UTRN: variants seen among roughly 807,000 people sequenced by gnomAD.
UTRN encodes utrophin, also known as dystrophin-related protein 1.
A neutral mutation model predicts 463.9 loss-of-function variants in UTRN; 283 were observed. The observed-to-expected ratio is 0.61, with a 90% confidence interval of 0.55 to 0.67. The LOEUF (loss-of-function observed/expected upper bound fraction) is 0.67, where lower values mean the gene tolerates loss of function less well. UTRN is among the 30% of genes least tolerant of loss of function. The pLI, the probability that UTRN is intolerant of heterozygous loss-of-function variation, is 0.00. For synonymous variants in UTRN, 1,442 were observed against 1,431.5 expected (o/e 1.01, Z -0.17); for missense variants, 3,922 against 4,084.3 (o/e 0.96, Z 1.08).
intron 51 of UTRN, among the ~76,000 whole-genome samples, chr6:144,600,685 A>G (rs1209496489): frequency 6.6e-6 from 1 of 152,348 alleles, no homozygotes; most frequent in East Asian, 1.9e-4. Context: ...GCAAATGCTG[A>G]TGTTGAAGCT....
intron 52 of UTRN, among the ~76,000 whole-genome samples, chr6:144,687,106 T>C (rs977551650): frequency 6.6e-6 from 1 of 152,178 alleles, no homozygotes; most frequent in Non-Finnish European, 1.5e-5. Context: ...GAAACATTCC[T>C]GCGTCCCTGG....
chr6:144,498,789 G>T (rs951211058), intron 33 of UTRN, among the ~76,000 whole-genome samples: 1 of 151,930 alleles, frequency 6.6e-6, no homozygotes, highest in Admixed American at 6.6e-5. Context: ...TGACCAGCTG[G>T]AACTACGAGC....
intron 1 of UTRN, among the ~76,000 whole-genome samples, chr6:144,291,182 C>T (rs1175536713): frequency 1.3e-5 from 2 of 152,204 alleles, no homozygotes; most frequent in Non-Finnish European, 2.9e-5. Flanking sequence ...TTGACCTGTT[C>T]TCCATGGTCC....
chr6:144,660,169 G>A (rs554573519), intron 51 of UTRN: 13 of 470,196 alleles, frequency 2.8e-5, no homozygotes, highest in African/African-American at 2.6e-4. Context: ...GAAGTTAAAC[G>A]CTGTTGTCTG....
chr6:144,715,907 T>C (rs1368194249), intron 53 of UTRN, among the ~76,000 whole-genome samples: 1 of 152,114 alleles, frequency 6.6e-6, no homozygotes, highest in African/African-American at 2.4e-5. Context: ...TTCTTTTTTA[T>C]TCATTTGCGT....
At chr6:144,342,810 T>C (rs1777245396) in intron 2 of UTRN, among the ~76,000 whole-genome samples, 2 of 152,342 alleles carry the variant, frequency 1.3e-5, no homozygotes, top group African/African-American at 4.8e-5. Context: ...AATTGTATAA[T>C]ATATGAATTA....
intron 2 of UTRN, among the ~76,000 whole-genome samples, chr6:144,343,113 A>G (rs1777272643): frequency 6.6e-6 from 1 of 152,158 alleles, no homozygotes; most frequent in Admixed American, 6.5e-5. Flanking sequence ...AGGATGAGAG[A>G]CACCTTTGAA....
intron 2 of UTRN, among the ~76,000 whole-genome samples, chr6:144,328,870 G>A (rs2114601128): frequency 6.6e-6 from 1 of 151,884 alleles, no homozygotes; most frequent in Middle Eastern, 3.4e-3. Context: ...TGCAACCTCT[G>A]CCTCCCAGGT....
In UTRN at chr6:144,443,581, T is replaced by C. The variant is rs1343371324; in HGVS notation, c.1513-700T>C. Among the ~76,000 whole-genome samples the C allele has an allele frequency of 2.6e-5, 4 of 152,176 alleles. No homozygotes were observed. The East Asian group carries it at 5.8e-4, about 22-fold the overall frequency. On this transcript the variant is annotated intron_variant, in intron 13 of 74. Coordinates refer to ENST00000367545, the MANE Select transcript of UTRN (RefSeq NM_007124.3). ...ATAAATTTTAACATTTGTTAATCAT[T>C]ATTTGTAAAATTGTAATAAAATGAT...
chr6:144,830,267 A>G (rs897178822), intron 69 of UTRN, among the ~76,000 whole-genome samples: 2 of 152,154 alleles, frequency 1.3e-5, no homozygotes, highest in Non-Finnish European at 2.9e-5. Context: ...AAAAGAAAAA[A>G]GTCAGAAGAT....
chr6:144,334,159 C>G (rs1166692067), intron 2 of UTRN, among the ~76,000 whole-genome samples: 1 of 152,078 alleles, frequency 6.6e-6, no homozygotes, highest in Non-Finnish European at 1.5e-5. Flanking sequence ...GTTTCTGTGC[C>G]TGGGCTCTTT....
At chr6:144,369,093 C>T (rs976244951) in intron 2 of UTRN, among the ~76,000 whole-genome samples, 4 of 152,236 alleles carry the variant, frequency 2.6e-5, no homozygotes, top group Non-Finnish European at 4.4e-5. Context: ...CTCAAATTCA[C>T]ATATGTGAGG....
At chr6:144,584,778 C>T (rs931983454) in intron 51 of UTRN, among the ~76,000 whole-genome samples, 2 of 151,746 alleles carry the variant, frequency 1.3e-5, no homozygotes, top group Admixed American at 1.3e-4. Flanking sequence ...TTAATTAAAA[C>T]TTAATGGAGC....
At chr6:144,748,996 A>T (rs555180912) in intron 55 of UTRN, among the ~76,000 whole-genome samples, 1 of 152,176 alleles carries the variant, frequency 6.6e-6, no homozygotes, top group South Asian at 2.1e-4. Flanking sequence ...GTGGATGGAG[A>T]TAGAGATTTA....
chr6:144,331,039 T>C (rs1479665521), intron 2 of UTRN: 5 of 985,170 alleles, frequency 5.1e-6, no homozygotes, highest in Non-Finnish European at 6.0e-6. Context: ...ATTGAGAATG[T>C]GGCTACTTAA....
At chr6:144,702,493 A>T (rs73781916) in intron 53 of UTRN, among the ~76,000 whole-genome samples, 5,118 of 152,310 alleles carry the variant, frequency 0.034, 303 homozygotes, top group African/African-American at 0.12. Context: ...CCAGGTTCTT[A>T]CCTGATTGTG....
chr6:144,384,240 G>T (rs1781202782), intron 2 of UTRN, among the ~76,000 whole-genome samples: 2 of 152,144 alleles, frequency 1.3e-5, no homozygotes, highest in African/African-American at 4.8e-5. Flanking sequence ...CTACTAGTCT[G>T]TTGCCTGTTA....
At chr6:144,643,113 A>G (rs1469692354) in intron 51 of UTRN, among the ~76,000 whole-genome samples, 1 of 152,036 alleles carries the variant, frequency 6.6e-6, no homozygotes, top group Non-Finnish European at 1.5e-5. Flanking sequence ...GTCCTGGAAA[A>G]CCTACCGGTG....
chr6:144,606,452 C>T (rs753437400), intron 51 of UTRN, among the ~76,000 whole-genome samples: 40 of 152,186 alleles, frequency 2.6e-4, no homozygotes, highest in Non-Finnish European at 4.4e-4. Context: ...TTAAGTGCTA[C>T]ACAATGTACT....
Sources: gnomAD v4.1 joint callset for allele counts (sites outside exome capture counted in the v4.1 genomes callset) on GRCh38, gnomAD v4.1.1 for gene constraint, MANE v1.5 for transcripts, NCBI Gene and HGNC (gene_info 2026-07-23, HGNC 2026-07-21) for gene names.